Variants in RPS27 observed in about 807,000 individuals in gnomAD.
The protein encoded by RPS27 is ribosomal protein S27.
In RPS27, 1 loss-of-function variant was observed where a neutral mutation model predicts 11.8. That is an observed-to-expected ratio of 0.08 (90% confidence interval 0.03 to 0.40). The LOEUF (loss-of-function observed/expected upper bound fraction) is 0.40, where lower values mean the gene tolerates loss of function less well. Among genes scored for constraint, RPS27 ranks in the 10% least tolerant of loss-of-function variants. The pLI is 0.98. For missense variants in RPS27, 44 were observed against 100.1 expected, an observed-to-expected ratio of 0.44 and a Z score of 2.39; for synonymous variants, 42 against 33.8, an observed-to-expected ratio of 1.24 and a Z score of -0.84.
chr1:153,991,338 C>T (rs1197625960), intron 2 of RPS27, 115 bp downstream of exon 2: 2 of 1,519,148 alleles, frequency 1.3e-6, no homozygotes, highest in Admixed American at 4.8e-5. Flanking sequence ...GTTTCTTCGC[C>T]TGTGGAAAAT....
At chr1:153,990,984 G>A in intron 1 of RPS27, 131 bp from the exon 2 acceptor site, 1 of 1,174,220 alleles carries the variant, frequency 8.5e-7, no homozygotes, top group Admixed American at 2.1e-5. Flanking sequence ...GAGATAAGAT[G>A]GCGGCCCAGC....
At chr1:153,990,985 G>C (rs1204035731) in intron 1 of RPS27, 130 bp from the exon 2 acceptor site, 1 of 1,172,022 alleles carries the variant, frequency 8.5e-7, no homozygotes, top group African/African-American at 1.5e-5. Context: ...AGATAAGATG[G>C]CGGCCCAGCT....
chr1:153,991,627 C>T lies in RPS27; in HGVS notation c.177C>T (p.Cys59=), dbSNP rs1347946438. The T allele has an allele frequency of 4.3e-6, 7 of 1,612,952 alleles. No homozygotes were observed. In the East Asian group the frequency reaches 1.1e-4, roughly 26 times the overall value. Residue 59 remains cysteine, a synonymous_variant, in exon 3 of 4, where the codon TGC becomes TGT. Coordinates refer to ENST00000651669, the MANE Select transcript of RPS27 (RefSeq NM_001030.6). ...HAQTVVLCVG[C]STVLCQPTGG... ...AAACGGTAGTTTTGTGTGTTGGCTG[C>T]TCCACTGTCCTCTGCCAGCCTACAG...
rs752909586 is a variant in RPS27, at chr1:153,990,768, C to G, written c.-29C>G. On this transcript the variant is annotated 5_prime_UTR_variant, in exon 1 of 4. Transcript: ENST00000651669. ...CAGGATTTCCGCTTTCGCTCCTTTC[C>G]GGCGGTGACGACCTACGCACACGAG... is the stretch of plus-strand genomic sequence containing the variant. The G allele has an allele frequency of 6.2e-7, 1 of 1,614,052 alleles. No individual in the cohort carries two copies. The highest frequency in any genetic ancestry group is 1.7e-5 in the Admixed American group (1 of 59,998).
chr1:153,991,912 G>A (rs574172480), intron 3 of RPS27, among the ~76,000 whole-genome samples, 153 bp from the exon 4 acceptor site: 1 of 102,282 alleles, frequency 9.8e-6, no homozygotes, highest in African/African-American at 3.9e-5. Context: ...AAGTTGATAG[G>A]AAGTAACCAG....
chr1:153,991,724 A>G, intron 3 of RPS27, 48 bp downstream of exon 3: 1 of 1,215,504 alleles, frequency 8.2e-7, no homozygotes, highest in South Asian at 1.3e-5. Flanking sequence ...TGATTTTTAG[A>G]AATGGAAACA....
At chr1:153,991,035 G>T in intron 1 of RPS27, 80 bp from the exon 2 acceptor site, 2 of 1,228,480 alleles carry the variant, frequency 1.6e-6, no homozygotes, top group Non-Finnish European at 2.3e-6. Flanking sequence ...GCTCTCCCCG[G>T]TGTGTGACAG....
At chr1:153,991,304 C>T in intron 2 of RPS27, 81 bp downstream of exon 2, 2 of 1,548,804 alleles carry the variant, frequency 1.3e-6, no homozygotes, top group Non-Finnish European at 1.7e-6. Flanking sequence ...TGTCTCGTAT[C>T]CTTGAAGCTG....
chr1:153,990,907 T>G, intron 1 of RPS27, 105 bp downstream of exon 1: 4 of 1,494,028 alleles, frequency 2.7e-6, no homozygotes, highest in Non-Finnish European at 9.3e-7. Context: ...CCCTCTGCAC[T>G]TCTTAGGACA....
chr1:153,991,801 G>A (rs771405843), intron 3 of RPS27, 125 bp downstream of exon 3: 29 of 706,830 alleles, frequency 4.1e-5, no homozygotes, highest in Admixed American at 8.5e-5. Flanking sequence ...TAGACAAGAA[G>A]TGTTGGATTT....
chr1:153,990,781 C>G lies in RPS27; in HGVS notation c.-16C>G. 1 of 1,614,222 alleles carries G rather than the reference C, an allele frequency of 6.2e-7. No homozygotes were observed. Among genetic ancestry groups the G allele is most frequent in the Non-Finnish European group, 8.5e-7 (1 of 1,180,044 alleles). On this transcript the variant is annotated 5_prime_UTR_variant, in exon 1 of 4. Transcript: ENST00000651669. Reference sequence around the variant, plus strand: ...TTCGCTCCTTTCCGGCGGTGACGACCTACGCACACGAGAACATGCCTGTGA... The same window carrying G: ...TTCGCTCCTTTCCGGCGGTGACGACGTACGCACACGAGAACATGCCTGTGA...
Position 153,991,632 on chromosome 1 carries a change from C to G in RPS27, c.182C>G (p.Thr61Ser), listed in dbSNP as rs772939307. The change falls in exon 3 of 4, where the codon ACT becomes AGT. Residue 61 changes from threonine to serine, a missense_variant. Physicochemically the swap from Thr to Ser is moderately conservative, Grantham distance 58. Around this residue, in one of 2 missense-constraint regions of RPS27, gnomAD observed 23 missense variants for 83.8 expected, o/e 0.27. Transcript: ENST00000651669. ...GTAGTTTTGTGTGTTGGCTGCTCCA[C>G]TGTCCTCTGCCAGCCTACAGGAGGA... ...QTVVLCVGCS[T>S]VLCQPTGGKA... 2 of 1,612,670 alleles carry G rather than the reference C, an allele frequency of 1.2e-6. No homozygotes were observed. Among genetic ancestry groups the G allele is most frequent in the Non-Finnish European group, 1.7e-6 (2 of 1,178,656 alleles).
intron 3 of RPS27, 143 bp from the exon 4 acceptor site, chr1:153,991,922 G>T: frequency 1.4e-6 from 1 of 731,310 alleles, no homozygotes; most frequent in Non-Finnish European, 2.3e-6. Flanking sequence ...GAAGTAACCA[G>T]TGATACAAAT....
At position 153,990,987 on chromosome 1, in the gene RPS27, G is replaced by A. The variant is rs939548477; in HGVS notation, c.7-128G>A. On this transcript the variant is annotated intron_variant, in intron 1 of 3. Coordinates refer to ENST00000651669, the MANE Select transcript of RPS27 (RefSeq NM_001030.6). ...GGGAGCGGAGAGGAGATAAGATGGC[G>A]GCCCAGCTGCGCAGACACCAGGGGC... 14 of 1,169,802 alleles carry A rather than the reference G, an allele frequency of 1.2e-5. No individual in the cohort carries two copies. In the Admixed American group the frequency reaches 3.0e-4, roughly 25 times the overall value. 72.5% of individuals were successfully genotyped at this position (1,169,802 alleles called of 1,614,324 possible). A position where few individuals can be genotyped will look rare whatever the true frequency, so the allele number is the denominator to read the frequency against.
chr1:153,991,921 A>C (rs1052088687), intron 3 of RPS27, 144 bp from the exon 4 acceptor site: 1 of 696,482 alleles, frequency 1.4e-6, no homozygotes, highest in Admixed American at 2.6e-5. Context: ...GGAAGTAACC[A>C]GTGATACAAA....
rs1649442264 is a variant in RPS27, at chr1:153,992,059, C to T, written c.227-6C>T. 1 of 1,613,318 alleles carries T rather than the reference C, an allele frequency of 6.2e-7. No homozygotes were observed. On this transcript the variant is annotated splice_region_variant and splice_polypyrimidine_tract_variant and intron_variant, in intron 3 of 3. Transcript: ENST00000651669. ...GACAGCTAATCTCTGAATCTTTTTCCTCCAGGATGTTCCTTCAGGAGGAAG... is the reference window on the plus strand; with the variant it reads ...GACAGCTAATCTCTGAATCTTTTTCTTCCAGGATGTTCCTTCAGGAGGAAG...
chr1:153,991,031 C>G, intron 1 of RPS27, 84 bp from the exon 2 acceptor site: 1 of 1,227,996 alleles, frequency 8.1e-7, no homozygotes, highest in African/African-American at 1.5e-5. Context: ...GCGAGCTCTC[C>G]CCGGTGTGTG....
Position 153,991,551 on chromosome 1 carries a change from C to G in RPS27, c.116-15C>G. 1 of 1,593,682 alleles carries G rather than the reference C, an allele frequency of 6.3e-7. No individual in the cohort carries two copies. Among genetic ancestry groups the G allele is most frequent in the Non-Finnish European group, 8.6e-7 (1 of 1,162,378 alleles). On this transcript the variant is annotated splice_polypyrimidine_tract_variant and intron_variant, in intron 2 of 3. Transcript: ENST00000651669. ...GTGTAATAGAGGAAAAAAATGTTAT[C>G]TGCTTTTCTTTCAGGATGCTATAAA...
intron 1 of RPS27, 92 bp from the exon 2 acceptor site, chr1:153,991,023 G>A (rs1390587495): frequency 8.5e-7 from 1 of 1,182,596 alleles, no homozygotes; most frequent in Non-Finnish European, 1.2e-6. Context: ...GGCGAGGGGC[G>A]AGCTCTCCCC....
Sources: gnomAD v4.1 joint callset for allele counts (sites outside exome capture counted in the v4.1 genomes callset) on GRCh38, gnomAD v4.1.1 for gene constraint, gnomAD v4.1.1 regional missense constraint, MANE v1.5 for transcripts, NCBI Gene and HGNC (gene_info 2026-07-23, HGNC 2026-07-21) for gene names.